The following DNMT1 variants were observed in gnomAD, a reference collection of about 807,000 sequenced individuals.
DNMT1 encodes DNA methyltransferase 1.
A neutral mutation model predicts 205.3 loss-of-function variants in DNMT1; 24 were observed. The observed-to-expected ratio is 0.12, with a 90% CI of 0.08 to 0.16. DNMT1 has a LOEUF of 0.16. Among genes scored for constraint, DNMT1 ranks in the 10% least tolerant of loss-of-function variants. The probability of loss-of-function intolerance (pLI) is 1.00; values close to 1 mark genes in which losing one functional copy is unlikely to be tolerated. For missense variants in DNMT1, 1,293 were observed against 2,177.7 expected, an observed-to-expected ratio of 0.59 and a Z score of 8.09; for synonymous variants, 817 against 839.8, an observed-to-expected ratio of 0.97 and a Z score of 0.47.
At chr19:10,173,029 G>T in intron 9 of DNMT1, 61 bp downstream of exon 9, 1 of 1,599,610 alleles carries the variant, frequency 6.3e-7, no homozygotes, top group Non-Finnish European at 8.6e-7. Flanking sequence ...GTCCTGGAAG[G>T]AAATTGGGAC....
intron 1 of DNMT1, among the ~76,000 whole-genome samples, chr19:10,183,342 C>T (rs1171120907): frequency 3.3e-5 from 5 of 151,342 alleles, no homozygotes; most frequent in African/African-American, 4.9e-5. Flanking sequence ...TTCGAACTCC[C>T]GACCTCAGGC....
intron 29 of DNMT1, 133 bp from the exon 30 acceptor site, chr19:10,142,353 A>C (rs2089616565): frequency 1.6e-6 from 2 of 1,236,180 alleles, no homozygotes; most frequent in Admixed American, 3.9e-5. Context: ...CGCAGGGTAA[A>C]GACCCCCTCA....
intron 7 of DNMT1, among the ~76,000 whole-genome samples, chr19:10,174,947 C>T (rs561172870): frequency 3.3e-5 from 5 of 150,394 alleles, no homozygotes; most frequent in East Asian, 3.9e-4. Context: ...CCCAGCTACT[C>T]GGGAGGCTGA....
At chr19:10,166,906 C>T (rs2038707441) in intron 10 of DNMT1, among the ~76,000 whole-genome samples, 1 of 152,204 alleles carries the variant, frequency 6.6e-6, no homozygotes, top group Non-Finnish European at 1.5e-5. Flanking sequence ...GTCAGAGATG[C>T]CAGTGGTTTA....
At chr19:10,185,630 C>T (rs1304292551) in intron 1 of DNMT1, among the ~76,000 whole-genome samples, 1 of 151,888 alleles carries the variant, frequency 6.6e-6, no homozygotes, top group East Asian at 1.9e-4. Context: ...AGTTTGAGAC[C>T]AGCCTGGGCT....
At chr19:10,147,292 A>G in intron 27 of DNMT1, among the ~76,000 whole-genome samples, 1 of 151,032 alleles carries the variant, frequency 6.6e-6, no homozygotes, top group Admixed American at 6.6e-5. Flanking sequence ...AAATAAATAA[A>G]TAAAAGAGGT....
At chr19:10,157,068 AC>A (rs2038471656) in intron 17 of DNMT1, among the ~76,000 whole-genome samples, 1 of 152,174 alleles carries the variant, frequency 6.6e-6, no homozygotes, top group South Asian at 2.1e-4. Flanking sequence ...TGCGGGAAAT[AC>A]CGGTTTCTAG....
rs1568235505 is a variant in DNMT1 at position 10,155,853 on chromosome 19, A to C, written c.1492T>G (p.Ser498Ala). 1 of 1,612,750 alleles carries C rather than the reference A, an allele frequency of 6.2e-7. No individual in the cohort carries two copies. Among genetic ancestry groups the C allele is most frequent in the Non-Finnish European group, 8.5e-7 (1 of 1,179,416 alleles). Residue 498 changes from serine (S) to alanine (A), a missense_variant and splice_region_variant, in exon 19 of 41, where the codon TCA (serine) becomes GCA (alanine). Coordinates refer to ENST00000359526, the MANE Select transcript of DNMT1 (RefSeq NM_001130823.3). ...GEKALIGFST[S>A]FAEYILMDPS... ...AGCCTATGATGGGCCACACACTTACAGGTGCTGAAGCCGATGAGGGCCTTT... is the reference window on the plus strand; with the variant it reads ...AGCCTATGATGGGCCACACACTTACCGGTGCTGAAGCCGATGAGGGCCTTT...
In DNMT1 at chr19:10,140,338, C is replaced by A. The variant is rs765436720; in HGVS notation, c.3524-10G>T. On this transcript the variant is annotated splice_polypyrimidine_tract_variant and intron_variant, in intron 32 of 40. Transcript: ENST00000359526. The surrounding 1 kb of genome is among the most constrained non-coding windows in gnomAD (Gnocchi z 8.4). ...AGCGTGTCAGAGATGCCTGGCAGAT[C>A]AAGCACGAAGCCATGCTTTCAACTC... 1 of 1,613,244 alleles carries A rather than the reference C, an allele frequency of 6.2e-7. No homozygotes were observed. The highest frequency in any genetic ancestry group is 8.5e-7 in the Non-Finnish European group (1 of 1,179,976).
At chr19:10,141,956 A>G in intron 30 of DNMT1, 72 bp downstream of exon 30, 3 of 1,572,452 alleles carry the variant, frequency 1.9e-6, no homozygotes, top group Non-Finnish European at 2.6e-6. Flanking sequence ...CGCCTTGTGT[A>G]TAACCCGACA....
rs780043830 is a variant in DNMT1, at chr19:10,175,622, TCA to T, written c.570-6_570-5del. The T allele has an allele frequency of 5.6e-6, 9 of 1,613,908 alleles. No homozygotes were observed. The highest frequency in any genetic ancestry group is 7.6e-6 in the Non-Finnish European group (9 of 1,179,946). On this transcript the variant is annotated splice_polypyrimidine_tract_variant and splice_region_variant and intron_variant, in intron 6 of 40. Transcript: ENST00000359526. ...CTGAGGTTTCCGTTTGGCAGGGCTGTCACACACAGTGAGGCCAACCATTAGTG... is the reference window on the plus strand; with the variant it reads ...CTGAGGTTTCCGTTTGGCAGGGCTGTCACACAGTGAGGCCAACCATTAGTG...
In DNMT1 at chr19:10,163,333, T is replaced by C. The variant is rs148831705; in HGVS notation, c.919A>G (p.Lys307Glu). Residue 307 changes from lysine (K) to glutamate (E), a missense_variant, in exon 12 of 41, where the codon AAA becomes GAA. Physicochemically the swap from Lys to Glu is moderately conservative, Grantham distance 56. Coordinates refer to ENST00000359526, the MANE Select transcript of DNMT1 (RefSeq NM_001130823.3). ...AGCATTTTAAACACTTACAGATCTTTGGGTTGACTTCTGTGCTTCTTCTCA... is the reference window on the plus strand; with the variant it reads ...AGCATTTTAAACACTTACAGATCTTCGGGTTGACTTCTGTGCTTCTTCTCA... The part of the protein sequence containing the change: ...KDEKKHRSQP[K>E]DLAAKRRPEE... 5.5e-5 allele frequency: 88 copies of C among 1,613,902 alleles called. No homozygotes were observed. The highest frequency in any genetic ancestry group is 3.3e-4 in the Middle Eastern group (2 of 6,084).
rs867274298 is a variant in DNMT1 at position 10,170,157 on chromosome 19, C to T, written c.769-1793G>A. 1.2e-3 allele frequency among the ~76,000 whole-genome samples: 186 copies of T among 151,380 alleles called. 3 individuals are homozygous for T. Among genetic ancestry groups the T allele is most frequent in the Admixed American group, 0.012 (182 of 15,200 alleles). On this transcript the variant is annotated intron_variant, in intron 9 of 40. Transcript: ENST00000359526. ...AAAATTAGGCGGACGGGGTGGCGGGCGCCTATAATCCCAGCTACTGGAGAG... is the reference window on the plus strand; with the variant it reads ...AAAATTAGGCGGACGGGGTGGCGGGTGCCTATAATCCCAGCTACTGGAGAG...
In DNMT1 at chr19:10,140,697, G is replaced by A; in HGVS notation, c.3523+84C>T. The A allele has an allele frequency of 6.2e-7, 1 of 1,608,576 alleles. No individual in the cohort carries two copies. Among genetic ancestry groups the A allele is most frequent in the Admixed American group, 1.7e-5 (1 of 59,994 alleles). On this transcript the variant is annotated intron_variant, in intron 32 of 40. Coordinates refer to ENST00000359526, the MANE Select transcript of DNMT1 (RefSeq NM_001130823.3). This position sits in a 1 kb window ranked among gnomAD's most constrained non-coding sequence, Gnocchi z 8.4. ...AAGGAGATTCTTGAGTCAGGAAGGT[G>A]ACCGGGGTTGGAAGTCGTTTCAGGT...
chr19:10,139,636 C>T (rs2089561976), intron 34 of DNMT1, 40 bp downstream of exon 34: 1 of 1,603,726 alleles, frequency 6.2e-7, no homozygotes, highest in Non-Finnish European at 8.5e-7. Flanking sequence ...GGGTCACGTG[C>T]TGGCCACATC....
chr19:10,138,837 C>T lies in DNMT1; in HGVS notation c.3949-232G>A, dbSNP rs2089546456. ...GGACAGCCACTGGGGAAGGTGGGAG[C>T]AAACCCTGCGGGGAAGTCCGGCCAG... On this transcript the variant is annotated intron_variant, in intron 34 of 40. Transcript: ENST00000359526. This position sits in a 1 kb window ranked among gnomAD's most constrained non-coding sequence, Gnocchi z 4.1. Among the ~76,000 whole-genome samples, 2 of 152,354 alleles carry T rather than the reference C, an allele frequency of 1.3e-5. No individual in the cohort carries two copies. Among genetic ancestry groups the T allele is most frequent in the Admixed American group, 1.3e-4 (2 of 15,306 alleles).
intron 5 of DNMT1, 104 bp downstream of exon 5, chr19:10,180,083 G>C: frequency 2.0e-6 from 1 of 496,232 alleles, no homozygotes; most frequent in Non-Finnish European, 3.7e-6. Context: ...GGAGGCCAAG[G>C]CAGGTGGATT....
rs2145365679 is a variant in DNMT1, at chr19:10,175,568, T to G, written c.620A>C (p.Glu207Ala). The stretch of plus-strand genomic sequence containing the variant: ...GTCTTTGTCTTCTTCCTTGATGGAC[T>G]CATCCGATTTGGCTCTTTCAGACTC... ...QEESERAKSD[E>A]SIKEEDKDQD... Residue 207 changes from glutamate to alanine, a missense_variant, in exon 7 of 41, where the codon GAG becomes GCG. Transcript: ENST00000359526. The G allele has an allele frequency of 3.7e-6, 6 of 1,614,032 alleles. No homozygotes were observed. In the South Asian group the frequency reaches 6.6e-5, roughly 18 times the overall value.
Position 10,154,168 on chromosome 19 carries a change from T to C in DNMT1, c.2019+125A>G, listed in dbSNP as rs1407258573. 2.0e-6 allele frequency: 2 copies of C among 1,009,380 alleles called. No homozygotes were observed. The highest frequency in any genetic ancestry group is 3.1e-6 in the Non-Finnish European group (2 of 644,734). The allele number at this position is 1,009,380 out of a possible 1,614,324, so 62.5% of individuals were successfully genotyped here. A position where few individuals can be genotyped will look rare whatever the true frequency, so the allele number is the denominator to read the frequency against. On this transcript the variant is annotated intron_variant, in intron 22 of 40. Coordinates refer to ENST00000359526, the MANE Select transcript of DNMT1 (RefSeq NM_001130823.3). This position sits in a 1 kb window ranked among gnomAD's most constrained non-coding sequence, Gnocchi z 6.3. ...TCCTCCCAGACCACTAACTAATTTC[T>C]GTCTCAGGGGTCACATTTGAGCAGC...
Sources: allele counts gnomAD v4.1 joint callset (sites outside exome capture counted in the v4.1 genomes callset), GRCh38; gene constraint gnomAD v4.1.1; non-coding constraint Gnocchi (gnomAD v3.1); transcripts MANE v1.5; gene names NCBI Gene and HGNC (gene_info 2026-07-23, HGNC 2026-07-21).